The following HYDIN variants were observed in gnomAD, a reference collection of about 807,000 sequenced individuals.
HYDIN encodes the protein HYDIN axonemal central pair apparatus protein.
In HYDIN, 132 loss-of-function variants were observed where a neutral mutation model predicts 403.9. The observed-to-expected ratio is 0.33, with a 90% CI of 0.28 to 0.38. The LOEUF is 0.38. HYDIN is among the 10% of genes least tolerant of loss of function. The pLI, the probability that HYDIN is intolerant of heterozygous loss-of-function variation, is 1.00. For missense variants in HYDIN, 2,827 were observed against 5,009.5 expected (o/e 0.56, Z 13.15); for synonymous variants, 1,202 against 1,891.7 (o/e 0.64, Z 9.46).
At position 71,203,515 on chromosome 16, in the gene HYDIN, G is replaced by C. The variant is rs186902027; in HGVS notation, c.-23-16597C>G. Reference sequence around the variant, plus strand: ...ATGCCTCATTTCTATTAGAATAGGAGAGAATAAGCTTATACTTTTTGTACC... The same window carrying C: ...ATGCCTCATTTCTATTAGAATAGGACAGAATAAGCTTATACTTTTTGTACC... On this transcript the variant is annotated intron_variant, in intron 1 of 85. Coordinates refer to ENST00000393567, the MANE Select transcript of HYDIN (RefSeq NM_001270974.2). 2.6e-4 allele frequency among the ~76,000 whole-genome samples: 40 copies of C among 152,252 alleles called. 1 individual carries two copies. The highest frequency in any genetic ancestry group is 4.9e-4 in the Non-Finnish European group (33 of 68,016).
chr16:71,112,794 T>A (rs930645089), intron 10 of HYDIN, among the ~76,000 whole-genome samples: 30 of 152,214 alleles, frequency 2.0e-4, no homozygotes, highest in Non-Finnish European at 3.2e-4. Context: ...AGAAGGCTAG[T>A]GGACTAGTCG....
At chr16:71,016,629 T>C (rs1195578420) in intron 23 of HYDIN, among the ~76,000 whole-genome samples, 1 of 145,592 alleles carries the variant, frequency 6.9e-6, no homozygotes, top group African/African-American at 2.6e-5. Flanking sequence ...TATCCAAGAA[T>C]TGAAATCAGA....
At chr16:70,822,184 A>C (rs553482161) in intron 83 of HYDIN, among the ~76,000 whole-genome samples, 3,528 of 152,198 alleles carry the variant, frequency 0.023, 50 homozygotes, top group Non-Finnish European at 0.034. Context: ...TTGCCATTCT[A>C]GATGCCATTA....
At chr16:70,826,770 C>CT (rs1202388311) in intron 83 of HYDIN, among the ~76,000 whole-genome samples, 1 of 142,972 alleles carries the variant, frequency 7.0e-6, no homozygotes, top group Non-Finnish European at 1.5e-5. Context: ...TAGATACTTT[C>CT]TTTTTTTCTT....
chr16:70,947,753 C>T (rs11075824), intron 41 of HYDIN, among the ~76,000 whole-genome samples: 85 of 152,130 alleles, frequency 5.6e-4, no homozygotes, highest in Admixed American at 3.6e-3. Context: ...TTACAAGGGA[C>T]GTGAAGGACC....
intron 10 of HYDIN, among the ~76,000 whole-genome samples, chr16:71,104,243 C>G (rs1481232252): frequency 6.6e-6 from 1 of 151,902 alleles, no homozygotes; most frequent in African/African-American, 2.4e-5. Context: ...GATACAGATT[C>G]TCTAAGGACA....
chr16:71,105,592 T>A (rs1232388497), intron 10 of HYDIN, among the ~76,000 whole-genome samples: 1 of 65,086 alleles, frequency 1.5e-5, no homozygotes, highest in South Asian at 5.9e-4. Context: ...TGAGGTTTCA[T>A]CTTAATTGGG....
chr16:71,057,513 CTGACAAATGCTGAAACTAAA>C (rs2081940122), intron 18 of HYDIN, among the ~76,000 whole-genome samples: 1 of 152,156 alleles, frequency 6.6e-6, no homozygotes, highest in Non-Finnish European at 1.5e-5. Context: ...TCAGAAATAT[CTGACAAATGCTGAAACTAAA>C]TGTTAGTTCT....
intron 7 of HYDIN, among the ~76,000 whole-genome samples, chr16:71,150,445 G>A (rs1429608698): frequency 6.6e-6 from 1 of 151,758 alleles, no homozygotes; most frequent in Non-Finnish European, 1.5e-5. Context: ...ATTAAGTATT[G>A]GAATAATAGA....
At chr16:71,102,955 T>C (rs1443726839) in intron 10 of HYDIN, among the ~76,000 whole-genome samples, 1 of 151,274 alleles carries the variant, frequency 6.6e-6, no homozygotes, top group Non-Finnish European at 1.5e-5. Flanking sequence ...CACCCATTTA[T>C]ATACTTACTT....
rs56676777 is a variant in HYDIN at position 71,051,645 on chromosome 16, C to CA, written c.2529+8858dup. 6.5e-3 allele frequency among the ~76,000 whole-genome samples: 783 copies of CA among 120,042 alleles called. 2 individuals are homozygous for CA. Among genetic ancestry groups the CA allele is most frequent in the South Asian group, 0.012 (45 of 3,620 alleles). 78.8% of individuals were successfully genotyped at this position (120,042 alleles called of 152,430 possible). ...TGGGCGACAGAGCGAGACTCTGTCT[C>CA]AAAAAAAAAAAAAACAAAAAAAACA... On this transcript the variant is annotated intron_variant, in intron 18 of 85. Coordinates refer to ENST00000393567, the MANE Select transcript of HYDIN (RefSeq NM_001270974.2).
chr16:71,203,676 A>G, intron 1 of HYDIN: 1 of 452,776 alleles, frequency 2.2e-6, no homozygotes, highest in South Asian at 1.6e-5. Flanking sequence ...TCCATACACA[A>G]ATTATTCTAT....
At chr16:71,013,244 T>C (rs538569703) in intron 23 of HYDIN, among the ~76,000 whole-genome samples, 1 of 151,836 alleles carries the variant, frequency 6.6e-6, no homozygotes, top group East Asian at 1.9e-4. Flanking sequence ...AGAAGGATGG[T>C]GAAGCTGAAG....
At chr16:70,928,482 C>T (rs1956822218) in intron 45 of HYDIN, among the ~76,000 whole-genome samples, 1 of 151,522 alleles carries the variant, frequency 6.6e-6, no homozygotes, top group African/African-American at 2.4e-5. Context: ...AAACAAAAAA[C>T]AGGGTCAATG....
intron 6 of HYDIN, among the ~76,000 whole-genome samples, chr16:71,154,035 A>C (rs2085653319): frequency 7.2e-6 from 1 of 138,024 alleles, no homozygotes; most frequent in African/African-American, 2.7e-5. Context: ...TACTTCGATC[A>C]CAACAGTTCT....
At chr16:71,059,096 T>C (rs548174122) in intron 18 of HYDIN, among the ~76,000 whole-genome samples, 25 of 152,362 alleles carry the variant, frequency 1.6e-4, no homozygotes, top group African/African-American at 5.5e-4. Context: ...GATAAGTTTT[T>C]GAGAGGTCAA....
chr16:71,191,030 G>T (rs556771867), intron 1 of HYDIN, among the ~76,000 whole-genome samples: 1 of 152,072 alleles, frequency 6.6e-6, no homozygotes, highest in African/African-American at 2.4e-5. Context: ...GAGAAGTTAC[G>T]AATTAAAAGA....
chr16:70,844,754 C>A (rs899665006), intron 75 of HYDIN, among the ~76,000 whole-genome samples: 8 of 138,972 alleles, frequency 5.8e-5, no homozygotes, highest in African/African-American at 1.9e-4. Flanking sequence ...TGAAGAGGTC[C>A]TTCACATCCC....
intron 47 of HYDIN, among the ~76,000 whole-genome samples, chr16:70,916,845 T>G (rs1454128957): frequency 2.0e-5 from 3 of 152,024 alleles, no homozygotes; most frequent in Non-Finnish European, 4.4e-5. Flanking sequence ...TTTCTCTCTT[T>G]TTCCTTCCTT....
Sources: allele counts gnomAD v4.1 joint callset (sites outside exome capture counted in the v4.1 genomes callset), GRCh38; gene constraint gnomAD v4.1.1; transcripts MANE v1.5; gene names NCBI Gene and HGNC (gene_info 2026-07-23, HGNC 2026-07-21).